TRPV1: variants seen among roughly 807,000 people sequenced by gnomAD.
The protein encoded by TRPV1 is OTRPC1.
Under a neutral mutation model 82.3 loss-of-function variants are expected in TRPV1, and 82 were observed. The observed-to-expected ratio is 1.00, with a 90% CI of 0.83 to 1.20. The LOEUF (loss-of-function observed/expected upper bound fraction) is 1.20. TRPV1 is among the 50% of genes most tolerant of loss of function. The pLI, the probability that TRPV1 is intolerant of heterozygous loss-of-function variation, is 0.00. For synonymous variants in TRPV1, 515 were observed against 467.7 expected (o/e 1.10, Z -1.30); for missense variants, 1,067 against 1,096.8 (o/e 0.97, Z 0.38).
rs1234687858 is a variant in TRPV1 at position 3,566,067 on chromosome 17, G to GA, written c.*747dup. ...CTCACCTGTAATCCAAGCTACTTGG[G>GA]AGACTGAAGCAGAAGAATCGCTTGA... On this transcript the variant is annotated 3_prime_UTR_variant, in exon 17 of 17. Coordinates refer to ENST00000572705, the MANE Select transcript of TRPV1 (RefSeq NM_080704.4). 2.6e-5 allele frequency: 4 copies of GA among 151,804 alleles called. No homozygotes were observed. The highest frequency in any genetic ancestry group is 5.9e-5 in the Non-Finnish European group (4 of 68,080). 9.4% of individuals were successfully genotyped at this position (151,804 alleles called of 1,614,324 possible).
At chr17:3,578,090 G>A (rs561263412) in intron 11 of TRPV1, 1 of 199,848 alleles carries the variant, frequency 5.0e-6, no homozygotes, top group East Asian at 1.0e-4. Context: ...GGAGCACAAG[G>A]TCAGGAGTTC....
intron 10 of TRPV1, among the ~76,000 whole-genome samples, chr17:3,582,218 CAG>C (rs1477016795): frequency 1.2e-5 from 1 of 80,442 alleles, no homozygotes; most frequent in African/African-American, 3.6e-5. Flanking sequence ...AAAAAAATCA[CAG>C]TGGAGCCTGG....
chr17:3,603,172 C>A (rs938200591), intron 2 of TRPV1, among the ~76,000 whole-genome samples: 4 of 151,970 alleles, frequency 2.6e-5, no homozygotes, highest in Non-Finnish European at 4.4e-5. Context: ...CTCCTTCCTG[C>A]ATTTCGTCTC....
chr17:3,591,911 C>A (rs757068627), intron 3 of TRPV1, among the ~76,000 whole-genome samples, 156 bp downstream of exon 3: 1 of 152,200 alleles, frequency 6.6e-6, no homozygotes, highest in South Asian at 2.1e-4. Context: ...GCACATCCCA[C>A]GAGGTCACAT....
At chr17:3,600,196 T>C (rs1178788583) in intron 2 of TRPV1, among the ~76,000 whole-genome samples, 1 of 152,202 alleles carries the variant, frequency 6.6e-6, no homozygotes, top group Non-Finnish European at 1.5e-5. Flanking sequence ...CATTTCCTTC[T>C]AACAATGTGG....
intron 10 of TRPV1, among the ~76,000 whole-genome samples, chr17:3,581,470 T>G: frequency 6.6e-6 from 1 of 151,066 alleles, no homozygotes; most frequent in African/African-American, 2.4e-5. Flanking sequence ...AAACCATGAG[T>G]GTGAAAAGAA....
At chr17:3,570,135 A>T (rs540093822) in intron 16 of TRPV1, among the ~76,000 whole-genome samples, 8 of 152,302 alleles carry the variant, frequency 5.3e-5, no homozygotes, top group African/African-American at 1.7e-4. Flanking sequence ...CACACCTGTC[A>T]TCCCAGCACT....
intron 2 of TRPV1, chr17:3,601,810 G>A (rs1326610801): frequency 6.6e-6 from 1 of 150,840 alleles, no homozygotes; most frequent in Non-Finnish European, 1.5e-5. Context: ...TGCCAGACTG[G>A]TCTCAAACTC....
chr17:3,591,212 C>T lies in TRPV1; in HGVS notation c.426G>A (p.Lys142=). The T allele has an allele frequency of 1.2e-6, 2 of 1,611,834 alleles. No individual in the cohort carries two copies. Among genetic ancestry groups the T allele is most frequent in the Non-Finnish European group, 1.7e-6 (2 of 1,179,168 alleles). ...SLLLFLQKSK[K]HLTDNEFKDP... ...CTTTGAACTCGTTGTCTGTGAGGTG[C>T]TTCTTGCTCTTCTGCAGGAAGAGCA... Residue 142 remains lysine, a synonymous_variant, in exon 4 of 17, where the codon AAG becomes AAA. Coordinates refer to ENST00000572705, the MANE Select transcript of TRPV1 (RefSeq NM_080704.4).
At chr17:3,573,599 C>A (rs1386771450) in intron 14 of TRPV1, 34 bp downstream of exon 14, 1 of 1,567,712 alleles carries the variant, frequency 6.4e-7, no homozygotes, top group Non-Finnish European at 8.6e-7. Context: ...ACACTCTCCG[C>A]GCCACTCACC....
At chr17:3,587,021 T>C (rs1468214935) in intron 8 of TRPV1, among the ~76,000 whole-genome samples, 1 of 152,154 alleles carries the variant, frequency 6.6e-6, no homozygotes, top group East Asian at 1.9e-4. Flanking sequence ...TTCTCTACTT[T>C]CCACTAGTGG....
intron 2 of TRPV1, among the ~76,000 whole-genome samples, chr17:3,607,251 C>T (rs1251741396): frequency 2.6e-5 from 4 of 151,718 alleles, no homozygotes; most frequent in Admixed American, 2.6e-4. Context: ...GGCTGAGGTA[C>T]AAGAATTGCT....
chr17:3,607,846 C>A (rs1360285336), intron 2 of TRPV1, among the ~76,000 whole-genome samples: 2 of 151,998 alleles, frequency 1.3e-5, no homozygotes, highest in East Asian at 3.9e-4. Context: ...CAAAGTAGAA[C>A]GGTTTTAACA....
At chr17:3,577,558 G>C (rs1457023229) in intron 12 of TRPV1, 40 bp downstream of exon 12, 1 of 1,551,898 alleles carries the variant, frequency 6.4e-7, no homozygotes, top group African/African-American at 1.4e-5. Context: ...CACGAGGTAA[G>C]CGGGCTCTGA....
chr17:3,573,548 C>CCCCCCCCCCCCCCCCCCCCCG, intron 14 of TRPV1, 85 bp downstream of exon 14: 1 of 411,100 alleles, frequency 2.4e-6, no homozygotes, highest in Non-Finnish European at 3.6e-6. Context: ...ACCACCCACC[C>CCCCCCCCCCCCCCCCCCCCCG]ACCTGCAGCC....
intron 14 of TRPV1, among the ~76,000 whole-genome samples, chr17:3,572,851 T>C (rs147535696): frequency 0.011 from 1,636 of 152,018 alleles, 23 homozygotes; most frequent in African/African-American, 0.032. Context: ...GGTGTGGTGG[T>C]GGGTGCCTGC....
chr17:3,571,747 T>A, intron 15 of TRPV1, 108 bp from the exon 16 acceptor site: 1 of 865,320 alleles, frequency 1.2e-6, no homozygotes, highest in Non-Finnish European at 1.9e-6. Context: ...GATGGAGATG[T>A]GGTGGGTCGG....
intron 2 of TRPV1, among the ~76,000 whole-genome samples, chr17:3,600,496 C>T (rs921383781): frequency 2.6e-5 from 4 of 152,004 alleles, no homozygotes; most frequent in Non-Finnish European, 4.4e-5. Context: ...GGCTGAGGCA[C>T]GAGAATCACT....
At chr17:3,576,984 G>T in intron 13 of TRPV1, 142 bp downstream of exon 13, 2 of 761,578 alleles carry the variant, frequency 2.6e-6, no homozygotes, top group Non-Finnish European at 4.2e-6. Flanking sequence ...TCATTTCAGT[G>T]TGTCCTCTGT....
Sources: gnomAD v4.1 joint callset for allele counts (sites outside exome capture counted in the v4.1 genomes callset) on GRCh38, gnomAD v4.1.1 for gene constraint, MANE v1.5 for transcripts, NCBI Gene and HGNC (gene_info 2026-07-23, HGNC 2026-07-21) for gene names.